UBAP2L: variants seen among roughly 807,000 people sequenced by gnomAD.
UBAP2L encodes ubiquitin associated protein 2 like, also known as ubiquitin-associated protein 2-like.
A neutral mutation model predicts 130.6 loss-of-function variants in UBAP2L; 12 were observed. That is an observed-to-expected ratio of 0.09 (90% CI 0.06 to 0.15). The LOEUF is 0.15. Among genes scored for constraint, UBAP2L ranks in the 10% least tolerant of loss-of-function variants. The pLI is 1.00. For missense variants in UBAP2L, 965 were observed against 1,332.5 expected, an observed-to-expected ratio of 0.72 and a Z score of 4.29; for synonymous variants, 503 against 524.7, an observed-to-expected ratio of 0.96 and a Z score of 0.57.
intron 4 of UBAP2L, among the ~76,000 whole-genome samples, chr1:154,230,159 A>G (rs539845820): frequency 6.6e-6 from 1 of 151,994 alleles, no homozygotes; most frequent in Non-Finnish European, 1.5e-5. Flanking sequence ...GGCATGCACC[A>G]CCATGCCTGG....
At chr1:154,227,425 A>T (rs1668324073) in intron 3 of UBAP2L, 66 bp downstream of exon 3, 1 of 1,380,878 alleles carries the variant, frequency 7.2e-7, no homozygotes, top group Non-Finnish European at 1.0e-6. Context: ...ATAATCAAAT[A>T]CTGTAGATGG....
rs1682151907 is a variant in UBAP2L, at chr1:154,263,203, T to C, written c.2902+1506T>C. 4 of 1,549,290 alleles carry C rather than the reference T, an allele frequency of 2.6e-6. No individual in the cohort carries two copies. The South Asian group carries it at 4.8e-5, about 19-fold the overall frequency. On this transcript the variant is annotated intron_variant, in intron 24 of 26. Transcript: ENST00000428931. Reference sequence around the variant, plus strand: ...TTTGTGTGTGTGTATAAATTTGCACTGAAGTCTTGTTTCAGAAACCAGACC... The same window carrying C: ...TTTGTGTGTGTGTATAAATTTGCACCGAAGTCTTGTTTCAGAAACCAGACC...
chr1:154,235,497 T>A (rs1671361924), intron 6 of UBAP2L, among the ~76,000 whole-genome samples: 1 of 151,546 alleles, frequency 6.6e-6, no homozygotes, highest in Non-Finnish European at 1.5e-5. Flanking sequence ...AGACTACAGG[T>A]GGCCGCCAGT....
chr1:154,222,642 A>G (rs1168544009), intron 1 of UBAP2L, among the ~76,000 whole-genome samples: 1 of 152,202 alleles, frequency 6.6e-6, no homozygotes, highest in East Asian at 1.9e-4. Flanking sequence ...ATCTACAGAA[A>G]TTAGTTGTTC....
chr1:154,236,756 C>T (rs1208337236), intron 7 of UBAP2L, 145 bp downstream of exon 7: 8 of 796,416 alleles, frequency 1.0e-5, no homozygotes, highest in Non-Finnish European at 1.4e-5. Context: ...AAACCTTTAC[C>T]ACCTGGATCA....
chr1:154,261,481 C>CT lies in UBAP2L; in HGVS notation c.2797-109dup, dbSNP rs1318084011. ...ATTTCACTAAGCAAACTGTAGTCAA[C>CT]TTGCATCAGGATAGGTAGCCATCTG... On this transcript the variant is annotated intron_variant, in intron 23 of 26. Transcript: ENST00000428931. 4.9e-5 allele frequency: 50 copies of CT among 1,013,588 alleles called. No homozygotes were observed. In the African/African-American group the frequency reaches 7.5e-4, roughly 15 times the overall value. 62.8% of individuals were successfully genotyped at this position (1,013,588 alleles called of 1,614,324 possible). A position where few individuals can be genotyped will look rare whatever the true frequency, so the allele number is the denominator to read the frequency against.
chr1:154,238,472 A>G (rs1202610205), intron 8 of UBAP2L, among the ~76,000 whole-genome samples: 2 of 152,188 alleles, frequency 1.3e-5, no homozygotes, highest in Non-Finnish European at 2.9e-5. Flanking sequence ...AGATGGCAGA[A>G]GTTGAAAAGT....
intron 24 of UBAP2L, among the ~76,000 whole-genome samples, chr1:154,265,489 A>T (rs1682982377): frequency 6.6e-6 from 1 of 152,218 alleles, no homozygotes; most frequent in Non-Finnish European, 1.5e-5. Flanking sequence ...TTATATTCCT[A>T]GTTAAATTAC....
downstream of UBAP2L, chr1:154,271,312 C>T: frequency 1.0e-5 from 2 of 200,866 alleles, no homozygotes; most frequent in South Asian, 1.8e-4. Flanking sequence ...TATCGTCTGG[C>T]AGAACTAAAT....
chr1:154,270,660 T>A lies in UBAP2L; in HGVS notation c.*365T>A, dbSNP rs1251799324. The A allele has an allele frequency of 5.7e-6, 8 of 1,409,552 alleles. No homozygotes were observed. Among genetic ancestry groups the A allele is most frequent in the Non-Finnish European group, 7.4e-6 (8 of 1,087,922 alleles). 87.3% of individuals were successfully genotyped at this position (1,409,552 alleles called of 1,614,324 possible). On this transcript the variant is annotated 3_prime_UTR_variant, in exon 27 of 27. Transcript: ENST00000428931. ...CAAACATATATCAGCCCAACAGCCC[T>A]AAGTCTCCTTCTTTATTATTAGGAA...
intron 21 of UBAP2L, 143 bp from the exon 22 acceptor site, chr1:154,259,805 T>G: frequency 1.1e-6 from 1 of 901,466 alleles, no homozygotes; most frequent in Non-Finnish European, 1.8e-6. Flanking sequence ...ATGTGGAGTT[T>G]GTGCTAACTC....
intron 1 of UBAP2L, among the ~76,000 whole-genome samples, chr1:154,222,130 T>C (rs375403103): frequency 8.2e-4 from 125 of 152,340 alleles, no homozygotes; most frequent in African/African-American, 2.8e-3. Context: ...TGACTCTCCC[T>C]GATTATTAAA....
chr1:154,262,490 T>C (rs1284289399), intron 24 of UBAP2L, among the ~76,000 whole-genome samples: 1 of 151,670 alleles, frequency 6.6e-6, no homozygotes, highest in African/African-American at 2.4e-5. Context: ...AGGGGAGGAG[T>C]AGGTTTCTCT....
At chr1:154,269,660 CAGCATCTGG>C in intron 26 of UBAP2L, 1 of 346,118 alleles carries the variant, frequency 2.9e-6, no homozygotes. Flanking sequence ...ATTCTTGGGG[CAGCATCTGG>C]AGCCTGAGGC....
intron 1 of UBAP2L, among the ~76,000 whole-genome samples, chr1:154,223,687 TA>T (rs1201196497): frequency 6.6e-6 from 1 of 152,144 alleles, no homozygotes; most frequent in Admixed American, 6.6e-5. Flanking sequence ...GAAGCTACCT[TA>T]AAAAAATCTT....
chr1:154,253,331 G>A (rs189862667), intron 14 of UBAP2L, among the ~76,000 whole-genome samples: 1 of 151,616 alleles, frequency 6.6e-6, no homozygotes, highest in Non-Finnish European at 1.5e-5. Context: ...CAAAATGTAG[G>A]GGGGAGCCAA....
intron 24 of UBAP2L, chr1:154,263,113 T>A (rs1682122951): frequency 1.3e-6 from 2 of 1,551,972 alleles, no homozygotes; most frequent in Non-Finnish European, 8.7e-7. Context: ...GAAGAAAATA[T>A]CCACCCCCTT....
At position 154,237,047 on chromosome 1, in the gene UBAP2L, C is replaced by G. The variant is rs535263455; in HGVS notation, c.614C>G (p.Ala205Gly). 1 of 1,614,096 alleles carries G rather than the reference C, an allele frequency of 6.2e-7. No individual in the cohort carries two copies. Among genetic ancestry groups the G allele is most frequent in the Non-Finnish European group, 8.5e-7 (1 of 1,179,986 alleles). Reference protein sequence around the residue: ...GMGTFNPADYAEPANTDDNYG... With the variant: ...GMGTFNPADYGEPANTDDNYG... Reference sequence around the variant, plus strand: ...AGAACCTTTAACCCAGCTGATTATGCAGAGCCAGCCAATACTGATGATAAC... The same window carrying G: ...AGAACCTTTAACCCAGCTGATTATGGAGAGCCAGCCAATACTGATGATAAC... The change falls in exon 8 of 27, where the codon GCA (alanine) becomes GGA (glycine). Residue 205 changes from alanine (A) to glycine (G), a missense_variant. By Grantham distance (60) the Ala-to-Gly change is moderately conservative (BLOSUM62 0). This residue lies in a region of UBAP2L where 109 missense variants were observed against 146.6 expected (regional missense o/e 0.74). Transcript: ENST00000428931.
At chr1:154,268,661 C>G (rs1337706117) in intron 25 of UBAP2L, 96 bp from the exon 26 acceptor site, 1 of 1,234,556 alleles carries the variant, frequency 8.1e-7, no homozygotes, top group Non-Finnish European at 1.2e-6. Flanking sequence ...TGACACCATG[C>G]TGCTTTCTGA....
Sources: gnomAD v4.1 joint callset for allele counts (sites outside exome capture counted in the v4.1 genomes callset) on GRCh38, gnomAD v4.1.1 for gene constraint, gnomAD v4.1.1 regional missense constraint, MANE v1.5 for transcripts, NCBI Gene and HGNC (gene_info 2026-07-23, HGNC 2026-07-21) for gene names.